FLACC1: variants seen among roughly 807,000 people sequenced by gnomAD.
FLACC1 encodes flagellum-associated coiled-coil domain-containing protein 1.
A neutral mutation model predicts 62.8 loss-of-function variants in FLACC1; 66 were observed. That is an observed-to-expected ratio of 1.05 (90% CI 0.86 to 1.29). The LOEUF (loss-of-function observed/expected upper bound fraction) is 1.29. Ranked by LOEUF, FLACC1 falls within the 50% of genes most tolerant of loss-of-function variation. The pLI, the probability that FLACC1 is intolerant of heterozygous loss-of-function variation, is 0.00. For missense variants in FLACC1, 452 were observed against 489.1 expected (o/e 0.92, Z 0.71); for synonymous variants, 156 against 161.0 (o/e 0.97, Z 0.24).
At chr2:201,290,149 G>C (rs1415799184) in intron 12 of FLACC1, among the ~76,000 whole-genome samples, 1 of 152,196 alleles carries the variant, frequency 6.6e-6, no homozygotes, top group Non-Finnish European at 1.5e-5. Context: ...GGATGAATAG[G>C]TGGGATAGAG....
chr2:201,309,925 A>AAAAAAAAAAAAAAAAAAG (rs764506462), intron 9 of FLACC1, among the ~76,000 whole-genome samples: 10 of 99,448 alleles, frequency 1.0e-4, no homozygotes, highest in East Asian at 4.3e-4. Flanking sequence ...AAAAAAAAAA[A>AAAAAAAAAAAAAAAAAAG]AAGAAGAAGA....
rs747000080 is a variant in FLACC1, at chr2:201,346,535, G to A, written c.368+7C>T. 1.2e-6 allele frequency: 2 copies of A among 1,613,362 alleles called. No homozygotes were observed. Among genetic ancestry groups the A allele is most frequent in the Non-Finnish European group, 1.7e-6 (2 of 1,179,906 alleles). ...CAAGCAGCTGCATGTTGCTGCAACA[G>A]CATTACCTGGAAAATCTGCCTTTGT... On this transcript the variant is annotated splice_region_variant and intron_variant, in intron 5 of 14. Coordinates refer to ENST00000392257, the MANE Select transcript of FLACC1 (RefSeq NM_001127391.3). This position sits in a 1 kb window ranked among gnomAD's most constrained non-coding sequence, Gnocchi z 4.0.
rs1950903952 is a variant in FLACC1, at chr2:201,345,902, C to T, written c.368+640G>A. Among the ~76,000 whole-genome samples the T allele has an allele frequency of 3.3e-5, 5 of 152,276 alleles. No individual in the cohort carries two copies. The South Asian group carries it at 6.2e-4, about 19-fold the overall frequency. On this transcript the variant is annotated intron_variant, in intron 5 of 14. Coordinates refer to ENST00000392257, the MANE Select transcript of FLACC1 (RefSeq NM_001127391.3). The stretch of plus-strand genomic sequence containing the variant: ...AAAAGAGGCTGGGCGCAGTGGCTCA[C>T]GCCTATAATCCCAGCACTTTGGGAG...
Position 201,297,615 on chromosome 2 carries a change from C to G in FLACC1, c.942+1623G>C, listed in dbSNP as rs11679181. Among the ~76,000 whole-genome samples, 4 of 151,970 alleles carry G rather than the reference C, an allele frequency of 2.6e-5. No homozygotes were observed. The East Asian group carries it at 7.7e-4, about 29-fold the overall frequency. ...GAAGCATTCCTTGGATTTGGCAACT[C>G]GGAATTTACTTGTGATTTTAACAAG... is the stretch of plus-strand genomic sequence containing the variant. On this transcript the variant is annotated intron_variant, in intron 12 of 14. Coordinates refer to ENST00000392257, the MANE Select transcript of FLACC1 (RefSeq NM_001127391.3).
At chr2:201,339,206 A>G (rs528704292) in intron 7 of FLACC1, among the ~76,000 whole-genome samples, 46 of 152,190 alleles carry the variant, frequency 3.0e-4, no homozygotes, top group African/African-American at 1.1e-3. Context: ...AGTGTTAGTT[A>G]TAGTTGTTCA....
At chr2:201,293,821 A>G (rs531111040) in intron 12 of FLACC1, among the ~76,000 whole-genome samples, 4 of 152,114 alleles carry the variant, frequency 2.6e-5, no homozygotes, top group African/African-American at 9.6e-5. Flanking sequence ...TAGACGCAAA[A>G]AAAAACGATA....
intron 7 of FLACC1, among the ~76,000 whole-genome samples, chr2:201,333,247 T>A (rs1281739681): frequency 6.6e-6 from 1 of 152,214 alleles, no homozygotes; most frequent in Non-Finnish European, 1.5e-5. Context: ...ATAGCTATTC[T>A]GATCCATGTG....
At chr2:201,310,765 TAGG>T (rs1950202938) in intron 9 of FLACC1, among the ~76,000 whole-genome samples, 1 of 151,842 alleles carries the variant, frequency 6.6e-6, no homozygotes, top group Non-Finnish European at 1.5e-5. Context: ...ACCCCAAAGC[TAGG>T]AGAAGAAAAG....
intron 7 of FLACC1, among the ~76,000 whole-genome samples, chr2:201,338,356 T>C (rs970900584): frequency 1.3e-5 from 2 of 152,224 alleles, no homozygotes; most frequent in African/African-American, 4.8e-5. Flanking sequence ...AGAGAGATCA[T>C]TTGGCTTCCT....
At position 201,342,449 on chromosome 2, in the gene FLACC1, A is replaced by T. The variant is rs372449513; in HGVS notation, c.463-18T>A. 2.5e-6 allele frequency: 4 copies of T among 1,613,926 alleles called. No homozygotes were observed. The highest frequency in any genetic ancestry group is 3.4e-6 in the Non-Finnish European group (4 of 1,179,802). On this transcript the variant is annotated intron_variant, in intron 6 of 14. Coordinates refer to ENST00000392257, the MANE Select transcript of FLACC1 (RefSeq NM_001127391.3). Reference sequence around the variant, plus strand: ...CTGGAGAGCTGGAAACAAAATCAGCATCTACAACACAGGACTGAGGACCCT... The same window carrying T: ...CTGGAGAGCTGGAAACAAAATCAGCTTCTACAACACAGGACTGAGGACCCT...
chr2:201,361,277 T>C (rs1951184092), upstream of FLACC1, among the ~76,000 whole-genome samples: 1 of 152,154 alleles, frequency 6.6e-6, no homozygotes, highest in East Asian at 1.9e-4. Flanking sequence ...TGTAAAGGTT[T>C]GTGGGTGATG....
intron 11 of FLACC1, among the ~76,000 whole-genome samples, chr2:201,305,565 A>C (rs915169600): frequency 6.6e-5 from 10 of 152,350 alleles, no homozygotes; most frequent in South Asian, 2.1e-4. Context: ...CCCATTTGAC[A>C]CAGCCATCCC....
intron 7 of FLACC1, among the ~76,000 whole-genome samples, chr2:201,334,963 T>C (rs1050720058): frequency 6.6e-6 from 1 of 152,116 alleles, no homozygotes; most frequent in Non-Finnish European, 1.5e-5. Flanking sequence ...ACTTATTCAA[T>C]ATCATCTTTA....
chr2:201,350,359 T>C (rs1248851661), intron 3 of FLACC1, among the ~76,000 whole-genome samples: 1 of 152,138 alleles, frequency 6.6e-6, no homozygotes, highest in African/African-American at 2.4e-5. Flanking sequence ...CGCTCCAGCC[T>C]GGGTGACAGA....
chr2:201,314,958 A>T (rs1319923458), intron 9 of FLACC1, among the ~76,000 whole-genome samples: 1 of 152,186 alleles, frequency 6.6e-6, no homozygotes, highest in Non-Finnish European at 1.5e-5. Context: ...TGAAGGAAAG[A>T]TACAGTCTTT....
At position 201,309,248 on chromosome 2, in the gene FLACC1, G is replaced by A. The variant is rs368417677; in HGVS notation, c.678C>T (p.Asp226=). 3.1e-6 allele frequency: 5 copies of A among 1,610,608 alleles called. No homozygotes were observed. In the African/African-American group the frequency reaches 5.3e-5, roughly 17 times the overall value. The stretch of plus-strand genomic sequence containing the variant: ...TCTCTTCCATTTCATCATAAATACT[G>A]TCCTGGGGAGGTACAAAGGCACCAT... ...YLKNMFRTYQ[D]SIYDEMEEKW... is the part of the protein sequence containing the mutation. Residue 226 remains aspartate (D), a splice_region_variant and synonymous_variant, in exon 10 of 15, where the codon GAC becomes GAT. Transcript: ENST00000392257.
intron 10 of FLACC1, 103 bp from the exon 11 acceptor site, chr2:201,307,725 C>A: frequency 1.1e-6 from 1 of 883,626 alleles, no homozygotes; most frequent in South Asian, 1.5e-5. Context: ...CAGACTGTGT[C>A]AGACTCAAGG....
rs368997046 is a variant in FLACC1 at position 201,307,514 on chromosome 2, G to A, written c.879+5C>T. On this transcript the variant is annotated splice_donor_5th_base_variant and intron_variant, in intron 11 of 14. Transcript: ENST00000392257. ...CAATCACCAAGGTGCTTTGGGCTGA[G>A]TTACCTCCTTCTCTTGAATGAAGTT... The A allele has an allele frequency of 1.5e-4, 241 of 1,612,162 alleles. No individual in the cohort carries two copies. The highest frequency in any genetic ancestry group is 1.9e-4 in the Non-Finnish European group (223 of 1,178,324).
In FLACC1 at chr2:201,350,767, T is replaced by C. The variant is rs1173856275; in HGVS notation, c.129A>G (p.Val43=). 6.2e-7 allele frequency: 1 copy of C among 1,613,204 alleles called. No homozygotes were observed. The highest frequency in any genetic ancestry group is 2.2e-5 in the East Asian group (1 of 44,876). ...GGTAATTGTGATTTTTTGGAGCTGG[T>C]ACAAGAGGAGTTAGCCTGAAAGTGA... ...STGSSKLTPL[V]PAPKNHNYLQ... Residue 43 remains valine, a synonymous_variant, in exon 3 of 15, where the codon GTA becomes GTG. Coordinates refer to ENST00000392257, the MANE Select transcript of FLACC1 (RefSeq NM_001127391.3).
Sources: gnomAD v4.1 joint callset for allele counts (sites outside exome capture counted in the v4.1 genomes callset) on GRCh38, gnomAD v4.1.1 for gene constraint, Gnocchi (gnomAD v3.1) non-coding constraint, MANE v1.5 for transcripts, NCBI Gene and HGNC (gene_info 2026-07-23, HGNC 2026-07-21) for gene names.